Variants in FER observed in about 807,000 individuals in gnomAD.
The protein encoded by FER is tyrosine-protein kinase Fer.
FER carries 63 observed loss-of-function variants against 111.0 expected under a neutral mutation model. The ratio of observed to expected loss-of-function variants is 0.57; its 90% confidence interval spans 0.46 to 0.70. The LOEUF (loss-of-function observed/expected upper bound fraction) is 0.70, where lower values mean the gene tolerates loss of function less well. Ranked by LOEUF, FER falls within the 30% of genes least tolerant of loss-of-function variation. The probability of loss-of-function intolerance (pLI) is 0.00; values close to 1 mark genes in which losing one functional copy is unlikely to be tolerated. For missense variants in FER, 914 were observed against 954.0 expected, an observed-to-expected ratio of 0.96 and a Z score of 0.55; for synonymous variants, 327 against 313.9, an observed-to-expected ratio of 1.04 and a Z score of -0.44.
At chr5:109,135,995 C>G (rs1752855458) in intron 17 of FER, among the ~76,000 whole-genome samples, 1 of 152,080 alleles carries the variant, frequency 6.6e-6, no homozygotes, top group Non-Finnish European at 1.5e-5. Flanking sequence ...GTGGCTCATG[C>G]CTGTAATCCC....
At chr5:109,096,724 T>C (rs1361395865) in intron 16 of FER, among the ~76,000 whole-genome samples, 1 of 151,880 alleles carries the variant, frequency 6.6e-6, no homozygotes, top group Non-Finnish European at 1.5e-5. Context: ...TTTCATTGAT[T>C]GGGCTAAGCC....
At chr5:109,031,492 A>T (rs545359049) in intron 13 of FER, among the ~76,000 whole-genome samples, 256 of 151,958 alleles carry the variant, frequency 1.7e-3, no homozygotes, top group Middle Eastern at 6.8e-3. Context: ...TCACATTTTT[A>T]AAAAAAAATT....
intron 10 of FER, among the ~76,000 whole-genome samples, chr5:108,909,910 TTAAA>T (rs1751313455): frequency 6.6e-6 from 1 of 151,686 alleles, no homozygotes; most frequent in Non-Finnish European, 1.5e-5. Context: ...TTCAGATGTA[TTAAA>T]TACTCAAATA....
intron 17 of FER, among the ~76,000 whole-genome samples, chr5:109,146,364 C>T (rs1754219480): frequency 6.9e-6 from 1 of 144,430 alleles, no homozygotes; most frequent in Admixed American, 7.0e-5. Context: ...AGCTCTTTCT[C>T]CCCTTGGGAG....
At chr5:108,915,588 CT>C (rs562817580) in intron 10 of FER, among the ~76,000 whole-genome samples, 11,873 of 143,798 alleles carry the variant, frequency 0.083, 734 homozygotes, top group African/African-American at 0.18. Context: ...CCACAAAGGA[CT>C]TTTTTTTTTT....
At chr5:109,129,238 C>G (rs1296803923) in intron 17 of FER, among the ~76,000 whole-genome samples, 2 of 151,888 alleles carry the variant, frequency 1.3e-5, no homozygotes, top group Non-Finnish European at 1.5e-5. Flanking sequence ...ATAAATGATT[C>G]TACTTTTTCA....
chr5:108,978,978 T>C (rs1761725640), intron 13 of FER, among the ~76,000 whole-genome samples: 1 of 152,220 alleles, frequency 6.6e-6, no homozygotes. Flanking sequence ...GAAATAATTA[T>C]TGTTTAATGA....
At chr5:109,011,920 T>C (rs1260963612) in intron 13 of FER, among the ~76,000 whole-genome samples, 1 of 152,218 alleles carries the variant, frequency 6.6e-6, no homozygotes, top group Non-Finnish European at 1.5e-5. Context: ...TGACAGCCAC[T>C]ATGAACACTC....
intron 5 of FER, among the ~76,000 whole-genome samples, chr5:108,849,929 C>T (rs1030217544): frequency 2.0e-5 from 3 of 152,070 alleles, no homozygotes; most frequent in Admixed American, 6.5e-5. Context: ...CGGTGGCTCA[C>T]GCCTGTAATC....
chr5:108,917,111 T>C (rs1269583828), intron 10 of FER, among the ~76,000 whole-genome samples: 1 of 152,158 alleles, frequency 6.6e-6, no homozygotes, highest in Non-Finnish European at 1.5e-5. Context: ...CGAGGCTTTC[T>C]TCTATTCCAG....
intron 3 of FER, among the ~76,000 whole-genome samples, chr5:108,822,931 C>T (rs951900843): frequency 1.6e-4 from 24 of 150,568 alleles, no homozygotes; most frequent in African/African-American, 4.7e-4. Flanking sequence ...AATGCAGTGG[C>T]GCCATCTCGG....
chr5:108,906,379 T>C (rs1750766421), intron 10 of FER, among the ~76,000 whole-genome samples: 2 of 152,186 alleles, frequency 1.3e-5, no homozygotes, highest in Non-Finnish European at 2.9e-5. Flanking sequence ...AGATGATAGG[T>C]AAGCATGTTT....
chr5:108,992,399 C>T (rs1763316421), intron 13 of FER, among the ~76,000 whole-genome samples: 1 of 152,182 alleles, frequency 6.6e-6, no homozygotes, highest in African/African-American at 2.4e-5. Flanking sequence ...GGTACACCTC[C>T]CAGACGGGGT....
chr5:108,980,456 TA>T (rs758234765), intron 13 of FER, among the ~76,000 whole-genome samples: 4 of 152,188 alleles, frequency 2.6e-5, no homozygotes, highest in Non-Finnish European at 5.9e-5. Context: ...CTTGTTTTGA[TA>T]AACTCCTGTA....
At chr5:109,035,631 T>G (rs1770278674) in intron 13 of FER, among the ~76,000 whole-genome samples, 1 of 152,202 alleles carries the variant, frequency 6.6e-6, no homozygotes, top group African/African-American at 2.4e-5. Context: ...TATGTTTTCA[T>G]TTATCTTTGG....
At chr5:109,149,231 G>C (rs1754557111) in intron 17 of FER, among the ~76,000 whole-genome samples, 1 of 152,076 alleles carries the variant, frequency 6.6e-6, no homozygotes, top group Non-Finnish European at 1.5e-5. Context: ...AAATGTAAAA[G>C]GTCTCTCACA....
intron 16 of FER, among the ~76,000 whole-genome samples, chr5:109,053,690 TA>T (rs374432339): frequency 1.5e-5 from 2 of 131,556 alleles, no homozygotes; most frequent in African/African-American, 3.2e-5. Flanking sequence ...AGTGGAGTTC[TA>T]TTTTTTTTTT....
chr5:108,827,551 T>C (rs764120266), intron 3 of FER, among the ~76,000 whole-genome samples: 4 of 152,150 alleles, frequency 2.6e-5, no homozygotes, highest in Non-Finnish European at 5.9e-5. Context: ...CTTTATTTCC[T>C]TTTTTCTGTA....
chr5:108,765,654 G>A (rs938580699), intron 1 of FER, among the ~76,000 whole-genome samples: 2 of 152,170 alleles, frequency 1.3e-5, no homozygotes, highest in African/African-American at 4.8e-5. Context: ...ACTTAGGTCT[G>A]TGGAAATAAC....
Sources: allele counts gnomAD v4.1 joint callset (sites outside exome capture counted in the v4.1 genomes callset), GRCh38; gene constraint gnomAD v4.1.1; transcripts MANE v1.5; gene names NCBI Gene and HGNC (gene_info 2026-07-23, HGNC 2026-07-21).